Variants in CAMK1D observed in about 807,000 individuals in gnomAD.
The protein encoded by CAMK1D is calcium/calmodulin dependent protein kinase ID, also known as calcium/calmodulin-dependent protein kinase type 1D.
CAMK1D carries 9 observed loss-of-function variants against 47.7 expected under a neutral mutation model. The ratio of observed to expected loss-of-function variants is 0.19; its 90% CI spans 0.11 to 0.33. The LOEUF is 0.33. Ranked by LOEUF, CAMK1D falls within the 10% of genes least tolerant of loss-of-function variation. CAMK1D has a pLI of 1.00. For missense variants in CAMK1D, 291 were observed against 488.7 expected (o/e 0.60, Z 3.81); for synonymous variants, 184 against 184.9 (o/e 0.99, Z 0.04).
At position 12,522,820 on chromosome 10, in the gene CAMK1D, C is replaced by T. The variant is rs1355304800; in HGVS notation, c.93-30405C>T. ...CTCCCAGACGGGGCGGCTGGCCGGG[C>T]GGAGGCGCCCCCCACCTCCCTCCCG... is the stretch of plus-strand genomic sequence containing the variant. On this transcript the variant is annotated intron_variant, in intron 1 of 10. Coordinates refer to ENST00000619168, the MANE Select transcript of CAMK1D (RefSeq NM_153498.4). Among the ~76,000 whole-genome samples the T allele has an allele frequency of 6.5e-5, 6 of 92,416 alleles. 1 individual carries two copies. In the East Asian group the frequency reaches 9.6e-4, roughly 15 times the overall value. 60.6% of individuals were successfully genotyped at this position (92,416 alleles called of 152,430 possible).
intron 1 of CAMK1D, among the ~76,000 whole-genome samples, chr10:12,374,079 G>A (rs1838094387): frequency 6.6e-6 from 1 of 151,238 alleles, no homozygotes; most frequent in African/African-American, 2.4e-5. Context: ...GACCAACATG[G>A]TGAAACCCCG....
At chr10:12,380,210 A>G (rs549199420) in intron 1 of CAMK1D, among the ~76,000 whole-genome samples, 2 of 152,024 alleles carry the variant, frequency 1.3e-5, no homozygotes, top group South Asian at 2.1e-4. Context: ...GCGAGACTCT[A>G]TCTCAAAAAA....
At chr10:12,399,911 A>G (rs1412872322) in intron 1 of CAMK1D, among the ~76,000 whole-genome samples, 1 of 152,200 alleles carries the variant, frequency 6.6e-6, no homozygotes, top group African/African-American at 2.4e-5. Flanking sequence ...AATATGTGTT[A>G]AATGACATGT....
intron 3 of CAMK1D, among the ~76,000 whole-genome samples, chr10:12,710,665 G>A (rs751716231): frequency 1.7e-4 from 26 of 152,084 alleles, no homozygotes; most frequent in Non-Finnish European, 2.8e-4. Flanking sequence ...CCCAGAATGC[G>A]ATCCAACCTT....
chr10:12,560,555 G>GAAA (rs1164348622), intron 2 of CAMK1D, among the ~76,000 whole-genome samples: 4 of 105,632 alleles, frequency 3.8e-5, no homozygotes, highest in Admixed American at 9.8e-5. Context: ...CTCTATCTCG[G>GAAA]AAAAAAAAAA....
At chr10:12,588,889 C>CGTGT (rs1191222767) in intron 2 of CAMK1D, among the ~76,000 whole-genome samples, 2,151 of 147,332 alleles carry the variant, frequency 0.015, 56 homozygotes, top group African/African-American at 0.054. Context: ...TGTGTGCGTG[C>CGTGT]GTGTGTGTGT....
At chr10:12,816,397 G>A in intron 8 of CAMK1D, 69 bp downstream of exon 8, 1 of 1,220,274 alleles carries the variant, frequency 8.2e-7, no homozygotes. Context: ...GAAACTTCCT[G>A]TTGGCCGTTG....
chr10:12,733,724 A>C (rs4747998), intron 3 of CAMK1D, among the ~76,000 whole-genome samples: 147,969 of 152,280 alleles, frequency 0.97, 71,992 homozygotes, highest in Non-Finnish European at 1. Context: ...TTTGAATGAC[A>C]GGGCGTGTTA....
chr10:12,492,975 G>A (rs1168230509), intron 1 of CAMK1D, among the ~76,000 whole-genome samples: 1 of 152,154 alleles, frequency 6.6e-6, no homozygotes, highest in Non-Finnish European at 1.5e-5. Context: ...CCCTGGCTCC[G>A]CTCCTGTGCT....
chr10:12,756,755 T>C (rs1348300779), intron 3 of CAMK1D, among the ~76,000 whole-genome samples: 4 of 152,016 alleles, frequency 2.6e-5, no homozygotes, highest in African/African-American at 9.7e-5. Context: ...TGAAACCCCG[T>C]CTCTACTAAA....
intron 2 of CAMK1D, among the ~76,000 whole-genome samples, chr10:12,633,524 G>A (rs991335681): frequency 2.6e-5 from 4 of 152,090 alleles, no homozygotes; most frequent in Non-Finnish European, 4.4e-5. Flanking sequence ...GTAGATACTC[G>A]GTTCCGAGGG....
chr10:12,740,252 A>AATTTTT (rs1835371363), intron 3 of CAMK1D, among the ~76,000 whole-genome samples: 1 of 152,188 alleles, frequency 6.6e-6, no homozygotes, highest in Non-Finnish European at 1.5e-5. Context: ...TGTTTTGTAA[A>AATTTTT]TAAATGACTG....
At chr10:12,515,814 T>C (rs1389218205) in intron 1 of CAMK1D, among the ~76,000 whole-genome samples, 1 of 151,924 alleles carries the variant, frequency 6.6e-6, no homozygotes, top group Non-Finnish European at 1.5e-5. Context: ...GATTTCACCA[T>C]GTTAGCCAGG....
At chr10:12,538,240 C>T (rs1714943237) in intron 1 of CAMK1D, among the ~76,000 whole-genome samples, 1 of 152,184 alleles carries the variant, frequency 6.6e-6, no homozygotes, top group African/African-American at 2.4e-5. Context: ...CGTATCATTG[C>T]CTGTGACATT....
chr10:12,492,943 G>A (rs1226005352), intron 1 of CAMK1D, among the ~76,000 whole-genome samples: 1 of 152,172 alleles, frequency 6.6e-6, no homozygotes, highest in East Asian at 1.9e-4. Context: ...TCTGTCTCTG[G>A]CTGATGGTGG....
At chr10:12,390,036 G>A (rs1168320966) in intron 1 of CAMK1D, among the ~76,000 whole-genome samples, 3 of 152,106 alleles carry the variant, frequency 2.0e-5, no homozygotes, top group East Asian at 3.9e-4. Flanking sequence ...GTGATCTTGG[G>A]GGGAATTTAA....
chr10:12,678,952 AG>A (rs1377900646), intron 3 of CAMK1D, among the ~76,000 whole-genome samples: 1 of 152,040 alleles, frequency 6.6e-6, no homozygotes, highest in African/African-American at 2.4e-5. Flanking sequence ...TAGTAGAGAC[AG>A]GGTTTCACCA....
In CAMK1D at chr10:12,425,795, C is replaced by T. The variant is rs114866479; in HGVS notation, c.92+75885C>T. Among the ~76,000 whole-genome samples, 185 of 152,250 alleles carry T rather than the reference C, an allele frequency of 1.2e-3. 2 individuals carry two copies. Among genetic ancestry groups the T allele is most frequent in the African/African-American group, 4.3e-3 (178 of 41,530 alleles). Reference sequence around the variant, plus strand: ...TTTGTTGAACAAGCGAATATATGGGCGAGACAGAAGTGGGATTCCTCCCAA... The same window carrying T: ...TTTGTTGAACAAGCGAATATATGGGTGAGACAGAAGTGGGATTCCTCCCAA... On this transcript the variant is annotated intron_variant, in intron 1 of 10. Transcript: ENST00000619168.
chr10:12,668,291 C>T (rs1840495911), intron 3 of CAMK1D, among the ~76,000 whole-genome samples: 1 of 152,218 alleles, frequency 6.6e-6, no homozygotes, highest in Non-Finnish European at 1.5e-5. Context: ...TCAGTGGCAA[C>T]CAAATGCCCC....
Sources: allele counts gnomAD v4.1 joint callset (sites outside exome capture counted in the v4.1 genomes callset), GRCh38; gene constraint gnomAD v4.1.1; transcripts MANE v1.5; gene names NCBI Gene and HGNC (gene_info 2026-07-23, HGNC 2026-07-21).